TCERG1L: variants seen among roughly 807,000 people sequenced by gnomAD.
The protein encoded by TCERG1L is transcription elongation regulator 1 like.
A neutral mutation model predicts 56.3 loss-of-function variants in TCERG1L; 37 were observed. The ratio of observed to expected loss-of-function variants is 0.66; its 90% CI spans 0.51 to 0.87. The LOEUF is 0.87. Among genes scored for constraint, TCERG1L ranks in the 40% least tolerant of loss-of-function variants. The pLI, the probability that TCERG1L is intolerant of heterozygous loss-of-function variation, is 0.00. For synonymous variants in TCERG1L, 324 were observed against 326.3 expected, an observed-to-expected ratio of 0.99 and a Z score of 0.08; for missense variants, 799 against 774.2, an observed-to-expected ratio of 1.03 and a Z score of -0.38.
chr10:131,101,133 G>T (rs535802760), intron 10 of TCERG1L, among the ~76,000 whole-genome samples: 15 of 152,348 alleles, frequency 9.8e-5, no homozygotes, highest in African/African-American at 3.1e-4. Flanking sequence ...AGCCCAGGCA[G>T]GCCCAACTCC....
At chr10:131,304,513 C>G (rs1164566642) in intron 3 of TCERG1L, among the ~76,000 whole-genome samples, 1 of 151,892 alleles carries the variant, frequency 6.6e-6, no homozygotes, top group African/African-American at 2.4e-5. Flanking sequence ...GCAGCTGATG[C>G]ACAGGCACTG....
intron 5 of TCERG1L, among the ~76,000 whole-genome samples, chr10:131,166,389 G>C (rs1469946964): frequency 6.6e-6 from 1 of 152,220 alleles, no homozygotes; most frequent in African/African-American, 2.4e-5. Flanking sequence ...GCACTGTCTT[G>C]GCCAGTCTTT....
intron 3 of TCERG1L, among the ~76,000 whole-genome samples, chr10:131,285,397 A>ATAAAG (rs1846511928): frequency 7.2e-6 from 1 of 138,014 alleles, no homozygotes; most frequent in Admixed American, 7.7e-5. Flanking sequence ...AAGAAAGAAA[A>ATAAAG]GAAAGGAAGG....
intron 10 of TCERG1L, among the ~76,000 whole-genome samples, chr10:131,100,087 G>A (rs1469915706): frequency 3.9e-5 from 6 of 152,050 alleles, no homozygotes; most frequent in South Asian, 2.1e-4. Flanking sequence ...GCCTGGTTGC[G>A]AACTCCTGAC....
At chr10:131,248,846 C>T (rs962785114) in intron 4 of TCERG1L, among the ~76,000 whole-genome samples, 7 of 152,208 alleles carry the variant, frequency 4.6e-5, no homozygotes, top group Non-Finnish European at 1.0e-4. Flanking sequence ...CCCCCCCAAC[C>T]GGTGCTCGCA....
intron 3 of TCERG1L, among the ~76,000 whole-genome samples, chr10:131,291,892 T>C (rs1846632312): frequency 6.6e-6 from 1 of 152,242 alleles, no homozygotes; most frequent in Non-Finnish European, 1.5e-5. Flanking sequence ...ATAGGTATTT[T>C]GTGCAGTTTT....
intron 6 of TCERG1L, among the ~76,000 whole-genome samples, chr10:131,157,954 A>T (rs1044647325): frequency 3.3e-5 from 5 of 152,262 alleles, no homozygotes; most frequent in Non-Finnish European, 7.3e-5. Context: ...AGGCCATTAG[A>T]CAAGAGTGAG....
intron 3 of TCERG1L, among the ~76,000 whole-genome samples, chr10:131,269,597 T>C (rs1488346240): frequency 6.6e-6 from 1 of 152,174 alleles, no homozygotes; most frequent in Non-Finnish European, 1.5e-5. Flanking sequence ...ACACAGGACA[T>C]TGATAGATTA....
At chr10:131,214,206 C>T (rs1355694615) in intron 4 of TCERG1L, among the ~76,000 whole-genome samples, 2 of 152,076 alleles carry the variant, frequency 1.3e-5, no homozygotes, top group African/African-American at 4.8e-5. Flanking sequence ...GGGTGAGGCT[C>T]CCTGGGAAGC....
intron 4 of TCERG1L, among the ~76,000 whole-genome samples, chr10:131,245,725 A>G (rs1564824496): frequency 6.6e-6 from 1 of 152,176 alleles, no homozygotes; most frequent in Non-Finnish European, 1.5e-5. Flanking sequence ...AGGTTAGTGT[A>G]TCATCCTCAT....
In TCERG1L at chr10:131,292,787, TG is replaced by T. The variant is rs1226086364; in HGVS notation, c.670+15423del. Reference sequence around the variant, plus strand: ...GGAGCAGTGATAGCTCCATTTAATGTGTTTTTTTTTTCATGTAATGTGTTTT... The same window carrying T: ...GGAGCAGTGATAGCTCCATTTAATGTTTTTTTTTTTCATGTAATGTGTTTT... On this transcript the variant is annotated intron_variant, in intron 3 of 11. Coordinates refer to ENST00000368642, the MANE Select transcript of TCERG1L (RefSeq NM_174937.4). Among the ~76,000 whole-genome samples, 51 of 50,540 alleles carry T rather than the reference TG, an allele frequency of 1.0e-3. No individual in the cohort carries two copies. The South Asian group carries it at 0.016, about 16-fold the overall frequency. The allele number at this position is 50,540 out of a possible 152,430, so 33.2% of individuals were successfully genotyped here. A position where few individuals can be genotyped will look rare whatever the true frequency, so the allele number is the denominator to read the frequency against.
chr10:131,159,248 C>T (rs942154375), intron 6 of TCERG1L, among the ~76,000 whole-genome samples: 3 of 152,158 alleles, frequency 2.0e-5, no homozygotes, highest in Admixed American at 6.5e-5. Context: ...TACCGAGCAC[C>T]GTGGGCTTGA....
intron 4 of TCERG1L, among the ~76,000 whole-genome samples, chr10:131,232,205 A>T (rs1845859975): frequency 6.6e-6 from 1 of 152,232 alleles, no homozygotes; most frequent in Non-Finnish European, 1.5e-5. Context: ...CCATGAAAAC[A>T]TGGCTGAGTG....
At position 131,247,905 on chromosome 10, in the gene TCERG1L, C is replaced by T. The variant is rs998217483; in HGVS notation, c.856+12354G>A. Among the ~76,000 whole-genome samples, 11 of 115,286 alleles carry T rather than the reference C, an allele frequency of 9.5e-5. No homozygotes were observed. The East Asian group carries it at 2.3e-3, about 24-fold the overall frequency. The allele number at this position is 115,286 out of a possible 152,430, so 75.6% of individuals were successfully genotyped here. A position where few individuals can be genotyped will look rare whatever the true frequency, so the allele number is the denominator to read the frequency against. ...CACCCATGTGACTCAGGTGCACACA[C>T]GCACACACACGCATACACACGACTC... On this transcript the variant is annotated intron_variant, in intron 4 of 11. Transcript: ENST00000368642.
chr10:131,238,816 C>T (rs1381482424), intron 4 of TCERG1L, among the ~76,000 whole-genome samples: 3 of 152,138 alleles, frequency 2.0e-5, no homozygotes, highest in South Asian at 2.1e-4. Context: ...AGCTTTGACT[C>T]GGCGCTCAGG....
chr10:131,267,214 C>T lies in TCERG1L; in HGVS notation c.671-6770G>A, dbSNP rs1475559337. On this transcript the variant is annotated intron_variant, in intron 3 of 11. Transcript: ENST00000368642. The surrounding 1 kb of genome is among the most constrained non-coding windows in gnomAD (Gnocchi z 4.9). ...ACCTGCGCTCATTGGTGCCCAAAGT[C>T]CAGAGAATCTGAGGCAGCAGGGCAC... Among the ~76,000 whole-genome samples, 1 of 152,178 alleles carries T rather than the reference C, an allele frequency of 6.6e-6. No homozygotes were observed. The highest frequency in any genetic ancestry group is 1.5e-5 in the Non-Finnish European group (1 of 68,026).
chr10:131,099,151 C>A (rs1421041877), intron 10 of TCERG1L, among the ~76,000 whole-genome samples: 1 of 152,128 alleles, frequency 6.6e-6, no homozygotes, highest in East Asian at 1.9e-4. Context: ...TCAAATGCTG[C>A]CCCAAACAGG....
intron 4 of TCERG1L, among the ~76,000 whole-genome samples, chr10:131,191,879 A>AAG (rs1033517082): frequency 1.2e-4 from 17 of 137,968 alleles, no homozygotes; most frequent in Non-Finnish European, 2.5e-4. Flanking sequence ...AAAAAAAAAA[A>AAG]AAAAAAAAAA....
chr10:131,147,189 C>T (rs1169761556), intron 6 of TCERG1L, among the ~76,000 whole-genome samples: 1 of 152,146 alleles, frequency 6.6e-6, no homozygotes, highest in Non-Finnish European at 1.5e-5. Context: ...CGGTGTCCTG[C>T]TCATTTGTGG....
Sources: allele counts gnomAD v4.1 joint callset (sites outside exome capture counted in the v4.1 genomes callset), GRCh38; gene constraint gnomAD v4.1.1; non-coding constraint Gnocchi (gnomAD v3.1); transcripts MANE v1.5; gene names NCBI Gene and HGNC (gene_info 2026-07-23, HGNC 2026-07-21).